Variants in AHCYL2 observed in about 807,000 individuals in gnomAD.
AHCYL2 encodes the protein adenosylhomocysteinase like 2.
AHCYL2 carries 28 observed loss-of-function variants against 81.4 expected under a neutral mutation model. The observed-to-expected ratio is 0.34, with a 90% CI of 0.25 to 0.47. The LOEUF (loss-of-function observed/expected upper bound fraction) is 0.47, where lower values mean the gene tolerates loss of function less well. AHCYL2 is among the 20% of genes least tolerant of loss of function. AHCYL2 has a pLI of 1.00. For missense variants in AHCYL2, 551 were observed against 785.1 expected, an observed-to-expected ratio of 0.70 and a Z score of 3.56; for synonymous variants, 272 against 290.2, an observed-to-expected ratio of 0.94 and a Z score of 0.64.
At chr7:129,357,805 G>T (rs987381717) in intron 1 of AHCYL2, among the ~76,000 whole-genome samples, 6 of 151,660 alleles carry the variant, frequency 4.0e-5, no homozygotes, top group Non-Finnish European at 8.8e-5. Context: ...GTGGTGGCGG[G>T]CGCCTGTAGT....
chr7:129,394,163 T>C lies in AHCYL2; in HGVS notation c.721-3059T>C, dbSNP rs149326525. 7.1e-3 allele frequency among the ~76,000 whole-genome samples: 1,081 copies of C among 151,720 alleles called. 13 individuals carry two copies. Among genetic ancestry groups the C allele is most frequent in the African/African-American group, 0.025 (1,021 of 41,374 alleles). On this transcript the variant is annotated intron_variant, in intron 4 of 16. Coordinates refer to ENST00000325006, the MANE Select transcript of AHCYL2 (RefSeq NM_015328.4). ...AACTGGGACTACAGGCATATACCAC[T>C]ATGCCTGGCTAATTTTTTTTAATTT... is the stretch of plus-strand genomic sequence containing the variant.
Position 129,389,145 on chromosome 7 carries a change from A to G in AHCYL2, c.565A>G (p.Lys189Glu). The G allele has an allele frequency of 6.2e-7, 1 of 1,614,072 alleles. No homozygotes were observed. The highest frequency in any genetic ancestry group is 8.5e-7 in the Non-Finnish European group (1 of 1,179,966). Reference sequence around the variant, plus strand: ...TAAGGGAAGCAGTGACTTCTGTGTTAAGAACATCAAACAGGCAGAGTTTGG... The same window carrying G: ...TAAGGGAAGCAGTGACTTCTGTGTTGAGAACATCAAACAGGCAGAGTTTGG... ...NSKGSSDFCVKNIKQAEFGRR... is the reference protein window; with the variant it reads ...NSKGSSDFCVENIKQAEFGRR... The change falls in exon 3 of 17, where the codon AAG becomes GAG. Residue 189 changes from lysine to glutamate, a missense_variant. Transcript: ENST00000325006.
chr7:129,423,946 T>A (rs1797236991), intron 13 of AHCYL2, among the ~76,000 whole-genome samples: 1 of 152,184 alleles, frequency 6.6e-6, no homozygotes, highest in African/African-American at 2.4e-5. Flanking sequence ...TGCTGACTGA[T>A]GACTTGTTTC....
At chr7:129,230,773 A>G (rs1290154633) in intron 1 of AHCYL2, among the ~76,000 whole-genome samples, 2 of 150,232 alleles carry the variant, frequency 1.3e-5, no homozygotes, top group Non-Finnish European at 3.0e-5. Context: ...AGGTTTCACC[A>G]TATTGTCTAG....
intron 1 of AHCYL2, among the ~76,000 whole-genome samples, chr7:129,253,603 GTA>G (rs1795313333): frequency 6.6e-6 from 1 of 152,146 alleles, no homozygotes; most frequent in Non-Finnish European, 1.5e-5. Flanking sequence ...TTATAAGGTT[GTA>G]ATTAAGAAAT....
rs1025159949 is a variant in AHCYL2, at chr7:129,256,641, A to G, written c.363+31202A>G. On this transcript the variant is annotated intron_variant, in intron 1 of 16. Coordinates refer to ENST00000325006, the MANE Select transcript of AHCYL2 (RefSeq NM_015328.4). ...TGTATGGATGTACCATAATTTATGTAACCAGTTTTTTATTGTTGGTTATTT... is the reference window on the plus strand; with the variant it reads ...TGTATGGATGTACCATAATTTATGTGACCAGTTTTTTATTGTTGGTTATTT... 4.1e-5 allele frequency among the ~76,000 whole-genome samples: 6 copies of G among 147,716 alleles called. No individual in the cohort carries two copies. In the East Asian group the frequency reaches 1.0e-3, roughly 25 times the overall value.
intron 1 of AHCYL2, among the ~76,000 whole-genome samples, chr7:129,277,443 A>G (rs1472196833): frequency 6.6e-6 from 1 of 151,948 alleles, no homozygotes; most frequent in African/African-American, 2.4e-5. Flanking sequence ...ACACCCAGCT[A>G]ATTTTTTTGT....
intron 8 of AHCYL2, among the ~76,000 whole-genome samples, 165 bp from the exon 9 acceptor site, chr7:129,405,660 GTCTAGCAGGTT>G (rs1260449583): frequency 6.6e-6 from 1 of 152,028 alleles, no homozygotes; most frequent in African/African-American, 2.4e-5. Flanking sequence ...TTTAGAATTT[GTCTAGCAGGTT>G]TTCTGGTCTT....
intron 1 of AHCYL2, among the ~76,000 whole-genome samples, chr7:129,324,019 C>A (rs34698607): frequency 6.6e-6 from 1 of 151,490 alleles, no homozygotes; most frequent in East Asian, 2.0e-4. Context: ...TACAGGCACC[C>A]GCCATTGTGC....
intron 1 of AHCYL2, among the ~76,000 whole-genome samples, chr7:129,278,878 G>T (rs1281355600): frequency 1.3e-5 from 2 of 151,560 alleles, no homozygotes; most frequent in African/African-American, 4.9e-5. Context: ...GTTGTCTACG[G>T]ATGTGTGGGT....
chr7:129,247,994 A>G (rs948701700), intron 1 of AHCYL2, among the ~76,000 whole-genome samples: 1 of 152,150 alleles, frequency 6.6e-6, no homozygotes, highest in Non-Finnish European at 1.5e-5. Context: ...ATGGTTTTAT[A>G]GTTTAGGTTT....
intron 1 of AHCYL2, among the ~76,000 whole-genome samples, chr7:129,350,714 C>CTTTTTTTTTTTTTTTTTTTTTTT (rs56115169): frequency 1.6e-5 from 2 of 122,146 alleles, no homozygotes; most frequent in Non-Finnish European, 3.4e-5. Flanking sequence ...TTCTTTCTTT[C>CTTTTTTTTTTTTTTTTTTTTTTT]TTTTTTTTTT....
At chr7:129,321,774 T>TC (rs1798040739) in intron 1 of AHCYL2, among the ~76,000 whole-genome samples, 3 of 146,426 alleles carry the variant, frequency 2.0e-5, no homozygotes, top group Non-Finnish European at 3.0e-5. Context: ...TGGTCTTGGT[T>TC]TTGTTTTTGT....
intron 1 of AHCYL2, among the ~76,000 whole-genome samples, chr7:129,290,947 C>T (rs1796829595): frequency 6.6e-6 from 1 of 150,514 alleles, no homozygotes; most frequent in African/African-American, 2.4e-5. Flanking sequence ...AAAAACAAAA[C>T]AAAACAGTTA....
chr7:129,289,231 A>G (rs1379397744), intron 1 of AHCYL2, among the ~76,000 whole-genome samples: 1 of 152,232 alleles, frequency 6.6e-6, no homozygotes, highest in Non-Finnish European at 1.5e-5. Context: ...CTAGGAGCAC[A>G]GGTGTGTGCC....
intron 2 of AHCYL2, among the ~76,000 whole-genome samples, chr7:129,386,949 A>C (rs143830696): frequency 8.3e-4 from 127 of 152,328 alleles, no homozygotes; most frequent in Non-Finnish European, 1.4e-3. Flanking sequence ...TTATATCTGG[A>C]ACTGAATTTA....
At chr7:129,367,309 C>A (rs1486839923) in intron 1 of AHCYL2, among the ~76,000 whole-genome samples, 5 of 152,242 alleles carry the variant, frequency 3.3e-5, no homozygotes, top group Non-Finnish European at 5.9e-5. Context: ...CTTAAAGGGA[C>A]CAAAGCAGGC....
intron 1 of AHCYL2, among the ~76,000 whole-genome samples, chr7:129,343,442 A>G (rs1466511983): frequency 2.0e-5 from 3 of 152,190 alleles, no homozygotes; most frequent in South Asian, 2.1e-4. Context: ...CCTGCTATCA[A>G]TTATGACTTC....
At chr7:129,410,227 A>G (rs1407747395) in intron 11 of AHCYL2, 6 of 1,613,604 alleles carry the variant, frequency 3.7e-6, no homozygotes, top group South Asian at 2.2e-5. Context: ...TGCTAAGCCC[A>G]ATGGCTCCTT....
Sources: allele counts gnomAD v4.1 joint callset (sites outside exome capture counted in the v4.1 genomes callset), GRCh38; gene constraint gnomAD v4.1.1; transcripts MANE v1.5; gene names NCBI Gene and HGNC (gene_info 2026-07-23, HGNC 2026-07-21).